Variants in LRBA observed in about 807,000 individuals in gnomAD.
The protein encoded by LRBA is lipopolysaccharide-responsive and beige-like anchor protein.
Under a neutral mutation model 330.0 loss-of-function variants are expected in LRBA, and 176 were observed. That is an observed-to-expected ratio of 0.53 (90% CI 0.47 to 0.60). The LOEUF is 0.60. LRBA is among the 20% of genes least tolerant of loss of function. The pLI is 0.00. For missense variants in LRBA, 3,259 were observed against 3,444.8 expected, an observed-to-expected ratio of 0.95 and a Z score of 1.35; for synonymous variants, 1,230 against 1,193.0, an observed-to-expected ratio of 1.03 and a Z score of -0.64.
Position 150,697,325 on chromosome 4 carries a change from G to GAAAAAAAAAAAAAAAAA in LRBA, c.5755-13625_5755-13609dup, listed in dbSNP as rs60145657. Among the ~76,000 whole-genome samples, 8 of 28,052 alleles carry GAAAAAAAAAAAAAAAAA rather than the reference G, an allele frequency of 2.9e-4. 2 individuals carry two copies. The highest frequency in any genetic ancestry group is 5.3e-4 in the African/African-American group (4 of 7,600). 18.4% of individuals were successfully genotyped at this position (28,052 alleles called of 152,430 possible). On this transcript the variant is annotated intron_variant, in intron 36 of 56. Coordinates refer to ENST00000651943, the MANE Select transcript of LRBA (RefSeq NM_001364905.1). ...GGTGACAGAGTGAGACTTTGTCTCA[G>GAAAAAAAAAAAAAAAAA]AAAAAAAAAAAAAAAAAAAAAAAAA...
At chr4:150,495,927 T>C (rs1220664526) in intron 40 of LRBA, among the ~76,000 whole-genome samples, 1 of 152,200 alleles carries the variant, frequency 6.6e-6, no homozygotes, top group East Asian at 1.9e-4. Flanking sequence ...TGTTTTATTA[T>C]TGTTAGTATT....
At chr4:150,608,600 T>C (rs941963326) in intron 37 of LRBA, among the ~76,000 whole-genome samples, 3 of 152,232 alleles carry the variant, frequency 2.0e-5, no homozygotes, top group Non-Finnish European at 4.4e-5. Flanking sequence ...AGCTTTATGA[T>C]ATATAATGTA....
At chr4:150,455,454 A>C (rs566247764) in intron 44 of LRBA, among the ~76,000 whole-genome samples, 265 of 152,184 alleles carry the variant, frequency 1.7e-3, no homozygotes, top group African/African-American at 6.1e-3. Context: ...ATGCAGCCAT[A>C]AAAAATGATG....
chr4:150,267,317 T>C (rs1745474028), intron 56 of LRBA, among the ~76,000 whole-genome samples: 1 of 152,176 alleles, frequency 6.6e-6, no homozygotes, highest in Non-Finnish European at 1.5e-5. Context: ...TTAGTAAAGA[T>C]TAAAATCACA....
chr4:150,555,616 T>G (rs1767201467), intron 40 of LRBA, among the ~76,000 whole-genome samples: 2 of 151,800 alleles, frequency 1.3e-5, no homozygotes. Flanking sequence ...CTGGGCATGG[T>G]GGCGCACGCC....
intron 40 of LRBA, among the ~76,000 whole-genome samples, chr4:150,525,333 C>CT (rs996401146): frequency 2.0e-5 from 3 of 150,600 alleles, no homozygotes; most frequent in African/African-American, 4.9e-5. Context: ...CCATTATGTT[C>CT]TTTTTTTTCA....
At chr4:150,322,860 A>G (rs942206861) in intron 49 of LRBA, among the ~76,000 whole-genome samples, 2 of 152,328 alleles carry the variant, frequency 1.3e-5, no homozygotes, top group Middle Eastern at 3.4e-3. Flanking sequence ...ACAGGGGGAT[A>G]CAGCAACAGC....
intron 56 of LRBA, among the ~76,000 whole-genome samples, chr4:150,266,276 A>G (rs1270184827): frequency 3.3e-5 from 5 of 152,360 alleles, no homozygotes; most frequent in Middle Eastern, 3.4e-3. Flanking sequence ...TACAGAATCA[A>G]TGAAGAGTGA....
At chr4:150,994,978 A>G (rs1209849569) in intron 2 of LRBA, among the ~76,000 whole-genome samples, 2 of 152,110 alleles carry the variant, frequency 1.3e-5, no homozygotes, top group African/African-American at 4.8e-5. Context: ...GAAGGACATA[A>G]AGGTTGGGGC....
chr4:150,796,184 T>G (rs1362294724), intron 34 of LRBA, among the ~76,000 whole-genome samples: 1 of 151,898 alleles, frequency 6.6e-6, no homozygotes, highest in Non-Finnish European at 1.5e-5. Context: ...CCACCCAGGA[T>G]CTGTAAAATG....
At chr4:150,771,192 A>G (rs550705834) in intron 34 of LRBA, among the ~76,000 whole-genome samples, 10 of 152,320 alleles carry the variant, frequency 6.6e-5, no homozygotes, top group African/African-American at 2.4e-4. Flanking sequence ...TTGGGTCACT[A>G]GAGGTAATAA....
chr4:150,996,438 C>T (rs879402902), intron 2 of LRBA, among the ~76,000 whole-genome samples: 20 of 151,976 alleles, frequency 1.3e-4, no homozygotes, highest in Admixed American at 9.8e-4. Context: ...ATTCATAAGC[C>T]ACAACTAGAG....
intron 55 of LRBA, among the ~76,000 whole-genome samples, chr4:150,278,792 A>G (rs774847532): frequency 2.6e-5 from 4 of 151,814 alleles, no homozygotes; most frequent in African/African-American, 4.8e-5. Context: ...GAATATTTAT[A>G]TGAATTCCAA....
intron 37 of LRBA, among the ~76,000 whole-genome samples, chr4:150,639,804 T>G (rs1581892445): frequency 2.7e-4 from 1 of 3,764 alleles, no homozygotes; most frequent in African/African-American, 8.8e-4. Context: ...TATATATATA[T>G]ATGTGTGTGT....
intron 34 of LRBA, among the ~76,000 whole-genome samples, chr4:150,797,173 C>T (rs574372495): frequency 4.9e-4 from 75 of 151,900 alleles, no homozygotes; most frequent in African/African-American, 1.8e-3. Context: ...TCCATCAGCA[C>T]AGTCTAAATA....
At chr4:150,405,649 T>A (rs1018980604) in intron 47 of LRBA, among the ~76,000 whole-genome samples, 9 of 151,906 alleles carry the variant, frequency 5.9e-5, no homozygotes, top group Non-Finnish European at 8.8e-5. Flanking sequence ...AAATGTAATA[T>A]ATATATATAA....
At chr4:150,505,337 A>T (rs1163734104) in intron 40 of LRBA, among the ~76,000 whole-genome samples, 8 of 152,064 alleles carry the variant, frequency 5.3e-5, no homozygotes, top group Admixed American at 2.0e-4. Context: ...GAAGTAAAGC[A>T]CTCCTCAGCA....
chr4:150,484,384 G>C (rs1475829138), intron 42 of LRBA, among the ~76,000 whole-genome samples: 1 of 151,864 alleles, frequency 6.6e-6, no homozygotes, highest in Non-Finnish European at 1.5e-5. Context: ...AGTGATATTT[G>C]ATAGCTTGTG....
Position 150,760,709 on chromosome 4 carries a change from C to A in LRBA, c.5645+1074G>T, listed in dbSNP as rs183193412. Among the ~76,000 whole-genome samples the A allele has an allele frequency of 2.0e-5, 3 of 152,166 alleles. No homozygotes were observed. The East Asian group carries it at 5.8e-4, about 29-fold the overall frequency. ...ATTTTCTAATGTTTACATGACAAATCGTACTGATCCTTGAAATGCACCTCA... is the reference window on the plus strand; with the variant it reads ...ATTTTCTAATGTTTACATGACAAATAGTACTGATCCTTGAAATGCACCTCA... On this transcript the variant is annotated intron_variant, in intron 35 of 56. Coordinates refer to ENST00000651943, the MANE Select transcript of LRBA (RefSeq NM_001364905.1).
Sources: gnomAD v4.1 joint callset for allele counts (sites outside exome capture counted in the v4.1 genomes callset) on GRCh38, gnomAD v4.1.1 for gene constraint, MANE v1.5 for transcripts, NCBI Gene and HGNC (gene_info 2026-07-23, HGNC 2026-07-21) for gene names.